Variants in STRN observed in about 807,000 individuals in gnomAD.
The protein encoded by STRN is protein phosphatase 2 regulatory subunit B'''alpha.
A neutral mutation model predicts 96.3 loss-of-function variants in STRN; 53 were observed. That is an observed-to-expected ratio of 0.55 (90% CI 0.44 to 0.69). The LOEUF is 0.69. Ranked by LOEUF, STRN falls within the 30% of genes least tolerant of loss-of-function variation. STRN has a pLI of 0.00. For synonymous variants in STRN, 428 were observed against 355.9 expected (o/e 1.20, Z -2.28); for missense variants, 987 against 963.9 (o/e 1.02, Z -0.32).
intron 13 of STRN, 78 bp downstream of exon 13, chr2:36,861,054 C>G: frequency 6.6e-7 from 1 of 1,524,462 alleles, no homozygotes; most frequent in South Asian, 1.3e-5. Context: ...ATCTCTTTAT[C>G]TCTTCCTTTT....
rs977682585 is a variant in STRN at position 36,839,443 on chromosome 2, C to G, written c.*10013G>C. Among the ~76,000 whole-genome samples the G allele has an allele frequency of 6.6e-5, 10 of 152,112 alleles. No homozygotes were observed. The highest frequency in any genetic ancestry group is 2.2e-4 in the African/African-American group (9 of 41,426). On this transcript the variant is annotated 3_prime_UTR_variant, in exon 18 of 18. Coordinates refer to ENST00000263918, the MANE Select transcript of STRN (RefSeq NM_003162.4). The stretch of plus-strand genomic sequence containing the variant: ...CATTTTAACCTATTTCTCCTAAAAC[C>G]CTGATGTTCTAGAAGCTATCAGGAG...
At chr2:36,962,542 T>TC (rs1665052828) in intron 1 of STRN, among the ~76,000 whole-genome samples, 1 of 152,028 alleles carries the variant, frequency 6.6e-6, no homozygotes, top group African/African-American at 2.4e-5. Flanking sequence ...TTTTTTTTTT[T>TC]CTTAAGATGG....
intron 2 of STRN, among the ~76,000 whole-genome samples, chr2:36,919,523 A>T (rs975660493): frequency 6.6e-6 from 1 of 152,156 alleles, no homozygotes; most frequent in Non-Finnish European, 1.5e-5. Flanking sequence ...CAGCAGACAG[A>T]ATAATTACAC....
At position 36,886,713 on chromosome 2, in the gene STRN, T is replaced by C. The variant is rs1229149381; in HGVS notation, c.1042+3A>G. Reference sequence around the variant, plus strand: ...ATTTACAGATACAATGTTTTCCACTTACTCTTCACCCCCTTTTTCCCCTTT... The same window carrying C: ...ATTTACAGATACAATGTTTTCCACTCACTCTTCACCCCCTTTTTCCCCTTT... On this transcript the variant is annotated splice_donor_region_variant and intron_variant, in intron 8 of 17. Transcript: ENST00000263918. The C allele has an allele frequency of 2.5e-6, 4 of 1,605,458 alleles. No individual in the cohort carries two copies. The highest frequency in any genetic ancestry group is 3.4e-6 in the Non-Finnish European group (4 of 1,175,076).
chr2:36,890,996 C>T (rs1322922854), intron 7 of STRN, among the ~76,000 whole-genome samples: 4 of 152,090 alleles, frequency 2.6e-5, no homozygotes, highest in Non-Finnish European at 5.9e-5. Flanking sequence ...AGAAGTATTT[C>T]GGATTTCAAA....
intron 13 of STRN, among the ~76,000 whole-genome samples, chr2:36,860,006 T>C (rs1437331528): frequency 6.6e-6 from 1 of 151,778 alleles, no homozygotes; most frequent in African/African-American, 2.4e-5. Context: ...AAACAGATGA[T>C]GAGGAAAAGA....
intron 1 of STRN, among the ~76,000 whole-genome samples, chr2:36,964,185 C>A (rs3856496): frequency 7.7e-5 from 6 of 78,392 alleles, no homozygotes; most frequent in African/African-American, 2.4e-4. Context: ...CGGGGCGGGG[C>A]GGGGGGAAGG....
At chr2:36,857,301 CT>C (rs1220996412) in intron 14 of STRN, among the ~76,000 whole-genome samples, 5 of 152,092 alleles carry the variant, frequency 3.3e-5, no homozygotes, top group Non-Finnish European at 7.4e-5. Context: ...TCCTTAATAT[CT>C]GTTTTTCACT....
At chr2:36,903,099 T>C (rs567804418) in intron 4 of STRN, among the ~76,000 whole-genome samples, 45 of 152,370 alleles carry the variant, frequency 3.0e-4, no homozygotes, top group African/African-American at 1.1e-3. Flanking sequence ...GTTATTCCGG[T>C]AGTTTTTTTA....
At chr2:36,916,838 T>C (rs906953069) in intron 2 of STRN, among the ~76,000 whole-genome samples, 1 of 152,182 alleles carries the variant, frequency 6.6e-6, no homozygotes, top group Non-Finnish European at 1.5e-5. Flanking sequence ...AACCATCTGA[T>C]TTAACTATCT....
intron 10 of STRN, among the ~76,000 whole-genome samples, chr2:36,877,628 C>T (rs965230674): frequency 7.2e-5 from 11 of 152,086 alleles, no homozygotes; most frequent in Admixed American, 3.3e-4. Context: ...CTCTGCCTTC[C>T]GGGCTCAAGC....
At chr2:36,950,383 T>C (rs910888896) in intron 1 of STRN, among the ~76,000 whole-genome samples, 5 of 151,992 alleles carry the variant, frequency 3.3e-5, no homozygotes, top group African/African-American at 1.2e-4. Context: ...GCCCAGCTAA[T>C]GTTTGTATTT....
Position 36,845,915 on chromosome 2 carries a change from G to GCACACACACACACACA in STRN, c.*3525_*3540dup, listed in dbSNP as rs58278911. 8.4e-5 allele frequency: 7 copies of GCACACACACACACACA among 82,922 alleles called. No homozygotes were observed. Among genetic ancestry groups the GCACACACACACACACA allele is most frequent in the African/African-American group, 2.9e-4 (6 of 20,912 alleles). The allele number at this position is 82,922 out of a possible 1,614,324, so 5.1% of individuals were successfully genotyped here. On this transcript the variant is annotated 3_prime_UTR_variant, in exon 18 of 18. Transcript: ENST00000263918. ...CACACACACACACACACGCATGCAT[G>GCACACACACACACACA]CACACACACACACACACACACACAC... is the stretch of plus-strand genomic sequence containing the variant.
intron 4 of STRN, among the ~76,000 whole-genome samples, chr2:36,904,855 T>C (rs1669779338): frequency 6.6e-6 from 1 of 151,982 alleles, no homozygotes; most frequent in Non-Finnish European, 1.5e-5. Flanking sequence ...AATGAATGAA[T>C]GAATGAATGA....
At position 36,844,782 on chromosome 2, in the gene STRN, T is replaced by C. The variant is rs992879326; in HGVS notation, c.*4674A>G. On this transcript the variant is annotated 3_prime_UTR_variant, in exon 18 of 18. Transcript: ENST00000263918. Reference sequence around the variant, plus strand: ...GAAGATCCAGTTGGATGATGGATATTGCCAATTAAAAAGTTTGTAGTGGCA... The same window carrying C: ...GAAGATCCAGTTGGATGATGGATATCGCCAATTAAAAAGTTTGTAGTGGCA... The C allele has an allele frequency of 3.0e-4, 45 of 152,290 alleles. No individual in the cohort carries two copies. The highest frequency in any genetic ancestry group is 2.0e-3 in the Admixed American group (30 of 15,280). The allele number at this position is 152,290 out of a possible 1,614,324, so 9.4% of individuals were successfully genotyped here. A position where few individuals can be genotyped will look rare whatever the true frequency, so the allele number is the denominator to read the frequency against.
intron 1 of STRN, among the ~76,000 whole-genome samples, chr2:36,940,216 T>C (rs1011935257): frequency 3.3e-5 from 5 of 152,200 alleles, no homozygotes. Flanking sequence ...ATATAAGATG[T>C]ACTTCGAAGG....
chr2:36,875,475 C>T (rs2148160402), intron 10 of STRN, among the ~76,000 whole-genome samples: 1 of 142,192 alleles, frequency 7.0e-6, no homozygotes, highest in African/African-American at 2.7e-5. Context: ...TACTGCATTC[C>T]ATCCTGGGCA....
rs763653811 is a variant in STRN at position 36,878,054 on chromosome 2, T to TA, written c.1187-28dup. 1.6e-5 allele frequency: 25 copies of TA among 1,610,564 alleles called. No individual in the cohort carries two copies. The South Asian group carries it at 2.5e-4, about 16-fold the overall frequency. On this transcript the variant is annotated intron_variant, in intron 9 of 17. Transcript: ENST00000263918. ...TGAAGAGGGAAGACAAAGGAAACAT[T>TA]AAAAAATCTCTAAGGAGCCAACATT...
intron 15 of STRN, among the ~76,000 whole-genome samples, chr2:36,854,504 G>C (rs1204691567): frequency 1.3e-5 from 2 of 152,172 alleles, no homozygotes; most frequent in Admixed American, 1.3e-4. Context: ...GAGACAGAGA[G>C]TGAGAACACC....
Sources: gnomAD v4.1 joint callset for allele counts (sites outside exome capture counted in the v4.1 genomes callset) on GRCh38, gnomAD v4.1.1 for gene constraint, MANE v1.5 for transcripts, NCBI Gene and HGNC (gene_info 2026-07-23, HGNC 2026-07-21) for gene names.